Variants in ADAMTS3 observed in about 807,000 individuals in gnomAD.
The protein encoded by ADAMTS3 is ADAM metallopeptidase with thrombospondin type 1 motif 3.
A neutral mutation model predicts 129.0 loss-of-function variants in ADAMTS3; 73 were observed. The ratio of observed to expected loss-of-function variants is 0.57; its 90% confidence interval spans 0.47 to 0.69. ADAMTS3 has a LOEUF of 0.69. Among genes scored for constraint, ADAMTS3 ranks in the 30% least tolerant of loss-of-function variants. The pLI is 0.00. For missense variants in ADAMTS3, 1,457 were observed against 1,514.5 expected, an observed-to-expected ratio of 0.96 and a Z score of 0.63; for synonymous variants, 477 against 510.8, an observed-to-expected ratio of 0.93 and a Z score of 0.89.
intron 3 of ADAMTS3, among the ~76,000 whole-genome samples, chr4:72,432,364 C>T (rs1722722213): frequency 6.6e-6 from 1 of 151,892 alleles, no homozygotes; most frequent in African/African-American, 2.4e-5. Flanking sequence ...ATCTGCTCCC[C>T]TCCGACTGCT....
At chr4:72,368,692 T>C (rs1720930202) in intron 4 of ADAMTS3, among the ~76,000 whole-genome samples, 1 of 152,210 alleles carries the variant, frequency 6.6e-6, no homozygotes, top group African/African-American at 2.4e-5. Flanking sequence ...CAGTGATTGA[T>C]GCCAAAATGA....
chr4:72,541,777 C>T (rs1190235723), intron 3 of ADAMTS3, among the ~76,000 whole-genome samples: 1 of 152,186 alleles, frequency 6.6e-6, no homozygotes, highest in Non-Finnish European at 1.5e-5. Context: ...CCTCCTTTGC[C>T]TTCCACCACG....
At chr4:72,442,188 G>C (rs916074756) in intron 3 of ADAMTS3, 1 of 151,862 alleles carries the variant, frequency 6.6e-6, no homozygotes, top group African/African-American at 2.4e-5. Context: ...CATGTGGCTA[G>C]AGTGTCTCAC....
At chr4:72,359,538 A>G (rs1720665764) in intron 4 of ADAMTS3, among the ~76,000 whole-genome samples, 1 of 152,044 alleles carries the variant, frequency 6.6e-6, no homozygotes, top group Non-Finnish European at 1.5e-5. Flanking sequence ...GTATGGGGAA[A>G]AGGCCATGAA....
chr4:72,324,282 T>G (rs1719640036), intron 5 of ADAMTS3, among the ~76,000 whole-genome samples: 1 of 152,154 alleles, frequency 6.6e-6, no homozygotes, highest in African/African-American at 2.4e-5. Context: ...AGTATTTTGA[T>G]TTGCCACACT....
chr4:72,414,608 A>T lies in ADAMTS3; in HGVS notation c.661+207T>A, dbSNP rs1722258628. Among the ~76,000 whole-genome samples the T allele has an allele frequency of 2.0e-5, 3 of 152,002 alleles. 1 individual carries two copies. The South Asian group carries it at 6.2e-4, about 31-fold the overall frequency. ...AAAGAAGTCATATCAGGGATATATA[A>T]CACACTGGAATAAATATCTGTAACA... On this transcript the variant is annotated intron_variant, in intron 4 of 21. Transcript: ENST00000286657.
Position 72,309,071 on chromosome 4 carries a change from A to T in ADAMTS3, c.2179+326T>A, listed in dbSNP as rs184567400. ...CAACAAGAATTCAAAATAAACACCA[A>T]TTCTAATAATTCAATCTGCATTTTA... On this transcript the variant is annotated intron_variant, in intron 15 of 21. Coordinates refer to ENST00000286657, the MANE Select transcript of ADAMTS3 (RefSeq NM_014243.3). 3.8e-3 allele frequency among the ~76,000 whole-genome samples: 574 copies of T among 152,054 alleles called. 6 individuals are homozygous for T. The highest frequency in any genetic ancestry group is 0.013 in the African/African-American group (554 of 41,514).
At chr4:72,380,201 T>A (rs1240691606) in intron 4 of ADAMTS3, among the ~76,000 whole-genome samples, 1 of 152,140 alleles carries the variant, frequency 6.6e-6, no homozygotes, top group Non-Finnish European at 1.5e-5. Flanking sequence ...TAAGAAGCTG[T>A]CAGAATCCCC....
chr4:72,526,778 A>G (rs1004689735), intron 3 of ADAMTS3, among the ~76,000 whole-genome samples: 3 of 125,236 alleles, frequency 2.4e-5, no homozygotes, highest in Non-Finnish European at 3.4e-5. Context: ...ATATATATAT[A>G]GACAGAGAGA....
chr4:72,372,130 T>G (rs974088788), intron 4 of ADAMTS3, among the ~76,000 whole-genome samples: 1 of 152,156 alleles, frequency 6.6e-6, no homozygotes, highest in Admixed American at 6.5e-5. Context: ...AGAAAAGGTA[T>G]AGCCTCTAAT....
At chr4:72,568,630 G>A in intron 1 of ADAMTS3, 64 bp downstream of exon 1, 1 of 1,274,206 alleles carries the variant, frequency 7.8e-7, no homozygotes, top group Non-Finnish European at 1.1e-6. Flanking sequence ...GGTAGAGAGG[G>A]GAGGAACTTT....
intron 15 of ADAMTS3, among the ~76,000 whole-genome samples, chr4:72,307,591 C>A (rs1385886606): frequency 6.6e-6 from 1 of 151,872 alleles, no homozygotes; most frequent in South Asian, 2.1e-4. Flanking sequence ...TTTTATTAGG[C>A]AAGTTATAAA....
At chr4:72,379,311 G>A (rs972490731) in intron 4 of ADAMTS3, among the ~76,000 whole-genome samples, 5 of 151,866 alleles carry the variant, frequency 3.3e-5, no homozygotes, top group East Asian at 1.9e-4. Flanking sequence ...CTCTTCCCCC[G>A]AGGCCACAGG....
chr4:72,282,964 A>C lies in ADAMTS3; in HGVS notation c.*172T>G, dbSNP rs1357982308. On this transcript the variant is annotated 3_prime_UTR_variant, in exon 22 of 22. Transcript: ENST00000286657. Reference sequence around the variant, plus strand: ...CTGGTAAATGAGTCAATGCAGAACAAAAGGAGGATGAAAGCAACTAGAAAG... The same window carrying C: ...CTGGTAAATGAGTCAATGCAGAACACAAGGAGGATGAAAGCAACTAGAAAG... 2 of 568,724 alleles carry C rather than the reference A, an allele frequency of 3.5e-6. No individual in the cohort carries two copies. The highest frequency in any genetic ancestry group is 3.1e-6 in the Non-Finnish European group (1 of 326,084). 35.2% of individuals were successfully genotyped at this position (568,724 alleles called of 1,614,324 possible).
chr4:72,383,588 G>A (rs76888747), intron 4 of ADAMTS3, among the ~76,000 whole-genome samples: 2 of 152,142 alleles, frequency 1.3e-5, no homozygotes, highest in African/African-American at 4.8e-5. Flanking sequence ...TGAACTATAT[G>A]TGTTCGAGGC....
chr4:72,528,882 A>G (rs555785263), intron 3 of ADAMTS3, among the ~76,000 whole-genome samples: 25 of 152,216 alleles, frequency 1.6e-4, no homozygotes, highest in Middle Eastern at 3.4e-3. Context: ...AAACCCAAGG[A>G]AAGAGTTCTC....
chr4:72,320,921 T>C, intron 6 of ADAMTS3, 51 bp from the exon 7 acceptor site: 1 of 1,554,602 alleles, frequency 6.4e-7, no homozygotes, highest in Non-Finnish European at 8.7e-7. Context: ...CCCAAAGGCT[T>C]CGTTTGATAA....
chr4:72,326,445 TG>T (rs1482953974), intron 5 of ADAMTS3, among the ~76,000 whole-genome samples: 1 of 152,086 alleles, frequency 6.6e-6, no homozygotes, highest in African/African-American at 2.4e-5. Flanking sequence ...TGATAAGAGC[TG>T]GAGAAATAAT....
intron 4 of ADAMTS3, among the ~76,000 whole-genome samples, chr4:72,347,941 G>C (rs1444042838): frequency 4.6e-5 from 7 of 151,842 alleles, no homozygotes; most frequent in African/African-American, 1.7e-4. Flanking sequence ...CTTTAGTAAG[G>C]ATAGAAAAGC....
Sources: allele counts gnomAD v4.1 joint callset (sites outside exome capture counted in the v4.1 genomes callset), GRCh38; gene constraint gnomAD v4.1.1; transcripts MANE v1.5; gene names NCBI Gene and HGNC (gene_info 2026-07-23, HGNC 2026-07-21).